The following WDFY2 variants were observed in gnomAD, a reference collection of about 807,000 sequenced individuals.
WDFY2 encodes the protein WD repeat and FYVE domain containing 2.
In WDFY2, 36 loss-of-function variants were observed where a neutral mutation model predicts 56.4. The observed-to-expected ratio is 0.64, with a 90% CI of 0.49 to 0.84. The LOEUF (loss-of-function observed/expected upper bound fraction) is 0.84. Among genes scored for constraint, WDFY2 ranks in the 40% least tolerant of loss-of-function variants. The pLI, the probability that WDFY2 is intolerant of heterozygous loss-of-function variation, is 0.00. For missense variants in WDFY2, 444 were observed against 512.2 expected (o/e 0.87, Z 1.29); for synonymous variants, 176 against 183.7 (o/e 0.96, Z 0.34).
chr13:51,746,776 C>T (rs994129988), intron 7 of WDFY2, among the ~76,000 whole-genome samples: 2 of 152,154 alleles, frequency 1.3e-5, no homozygotes, highest in Non-Finnish European at 2.9e-5. Flanking sequence ...CCTCATATAT[C>T]CAGAAAATAG....
chr13:51,753,502 A>T (rs1593479435), intron 8 of WDFY2, among the ~76,000 whole-genome samples: 2 of 152,342 alleles, frequency 1.3e-5, no homozygotes, highest in South Asian at 4.1e-4. Context: ...AATAGAAAAG[A>T]TGTCAATTAC....
intron 1 of WDFY2, among the ~76,000 whole-genome samples, chr13:51,645,398 A>G (rs1566335800): frequency 6.6e-6 from 1 of 152,114 alleles, no homozygotes; most frequent in African/African-American, 2.4e-5. Context: ...GCTCATTGCT[A>G]TGGTAACTAA....
In WDFY2 at chr13:51,663,764, A is replaced by G. The variant is rs373084450; in HGVS notation, c.205+3101A>G. Among the ~76,000 whole-genome samples the G allele has an allele frequency of 7.2e-5, 11 of 152,350 alleles. No individual in the cohort carries two copies. The East Asian group carries it at 2.1e-3, about 29-fold the overall frequency. ...GGTTACTCGGTATTATTCTTAAATA[A>G]TGGTTATGTGATATTGGTTTCAAAA... On this transcript the variant is annotated intron_variant, in intron 2 of 11. Transcript: ENST00000298125.
chr13:51,720,561 T>C (rs1309434151), intron 5 of WDFY2, among the ~76,000 whole-genome samples: 1 of 152,220 alleles, frequency 6.6e-6, no homozygotes, highest in Non-Finnish European at 1.5e-5. Context: ...CTTCTTATAG[T>C]GTTAGAGCTG....
rs71192015 is a variant in WDFY2, at chr13:51,718,559, TACACACACACACACAC to T, written c.335-610_335-595del. ...GGAAATTTGCTCTTATTATCATTCA[TACACACACACACACAC>T]ACACACACACACACACACACACACA... On this transcript the variant is annotated intron_variant, in intron 4 of 11. Coordinates refer to ENST00000298125, the MANE Select transcript of WDFY2 (RefSeq NM_052950.4). Among the ~76,000 whole-genome samples, 315 of 138,758 alleles carry T rather than the reference TACACACACACACACAC, an allele frequency of 2.3e-3. 1 individual carries two copies. The highest frequency in any genetic ancestry group is 6.1e-3 in the South Asian group (25 of 4,098). 91.0% of individuals were successfully genotyped at this position (138,758 alleles called of 152,430 possible). A position where few individuals can be genotyped will look rare whatever the true frequency, so the allele number is the denominator to read the frequency against.
At chr13:51,607,146 A>T (rs1250210831) in intron 1 of WDFY2, among the ~76,000 whole-genome samples, 1 of 152,258 alleles carries the variant, frequency 6.6e-6, no homozygotes, top group African/African-American at 2.4e-5. Context: ...TATTTCATTG[A>T]TTCAAAAATC....
At chr13:51,728,904 C>T (rs901479952) in intron 6 of WDFY2, among the ~76,000 whole-genome samples, 2 of 152,148 alleles carry the variant, frequency 1.3e-5, no homozygotes, top group Non-Finnish European at 2.9e-5. Flanking sequence ...CCTCAGAAGT[C>T]TTAAACTTCT....
intron 1 of WDFY2, among the ~76,000 whole-genome samples, chr13:51,624,454 A>T (rs761573371): frequency 8.5e-5 from 13 of 152,108 alleles, no homozygotes; most frequent in Non-Finnish European, 1.5e-4. Flanking sequence ...TTTTACTTTA[A>T]TTCACCATGT....
At chr13:51,596,640 G>A (rs893638272) in intron 1 of WDFY2, among the ~76,000 whole-genome samples, 2 of 152,150 alleles carry the variant, frequency 1.3e-5, no homozygotes, top group African/African-American at 4.8e-5. Flanking sequence ...CACTTACATG[G>A]GTAGAGACAG....
At position 51,613,556 on chromosome 13, in the gene WDFY2, C is replaced by A. The variant is rs144823783; in HGVS notation, c.137+28732C>A. Among the ~76,000 whole-genome samples, 55 of 152,246 alleles carry A rather than the reference C, an allele frequency of 3.6e-4. 1 individual carries two copies. In the East Asian group the frequency reaches 9.6e-3, roughly 27 times the overall value. ...ACAGTGGTGGGTCTTTCCCTGGGCA[C>A]ATTCTGTAATATTTTCTTAATTCTT... On this transcript the variant is annotated intron_variant, in intron 1 of 11. Transcript: ENST00000298125.
intron 1 of WDFY2, among the ~76,000 whole-genome samples, chr13:51,640,430 A>G (rs1427472362): frequency 6.6e-6 from 1 of 152,134 alleles, no homozygotes; most frequent in Non-Finnish European, 1.5e-5. Flanking sequence ...TTTGTTGGGT[A>G]TGGATGTTGG....
At chr13:51,699,737 G>GA (rs1206441065) in intron 3 of WDFY2, among the ~76,000 whole-genome samples, 1 of 152,244 alleles carries the variant, frequency 6.6e-6, no homozygotes, top group Non-Finnish European at 1.5e-5. Flanking sequence ...GGGTAGGTGA[G>GA]AGAGTGCATG....
intron 1 of WDFY2, among the ~76,000 whole-genome samples, chr13:51,634,256 C>T (rs780780538): frequency 1.7e-3 from 256 of 151,342 alleles, no homozygotes; most frequent in Middle Eastern, 3.4e-3. Flanking sequence ...TTGCAAAGCC[C>T]TAGAAGTGTT....
intron 7 of WDFY2, among the ~76,000 whole-genome samples, chr13:51,740,438 G>A (rs1290443384): frequency 1.3e-5 from 2 of 152,208 alleles, no homozygotes; most frequent in African/African-American, 4.8e-5. Context: ...AGCCAGGGCC[G>A]GGTGCATTGG....
chr13:51,728,220 C>T (rs2138656563), intron 6 of WDFY2, among the ~76,000 whole-genome samples: 1 of 152,312 alleles, frequency 6.6e-6, no homozygotes, highest in East Asian at 1.9e-4. Context: ...CATGAAAAGA[C>T]AGATATACTC....
At chr13:51,716,625 G>A (rs1167156449) in intron 4 of WDFY2, among the ~76,000 whole-genome samples, 8 of 146,944 alleles carry the variant, frequency 5.4e-5, no homozygotes, top group Admixed American at 1.4e-4. Context: ...CCCGGGAGGC[G>A]GAGCTTGCAG....
At chr13:51,691,871 G>A (rs1391881814) in intron 3 of WDFY2, among the ~76,000 whole-genome samples, 9 of 151,302 alleles carry the variant, frequency 5.9e-5, no homozygotes, top group East Asian at 3.9e-4. Context: ...CTTTTATTTC[G>A]TTGAGCAGTG....
intron 1 of WDFY2, among the ~76,000 whole-genome samples, chr13:51,652,765 G>A (rs967497067): frequency 4.6e-5 from 7 of 152,198 alleles, no homozygotes; most frequent in African/African-American, 9.7e-5. Context: ...AGTTTGTGCC[G>A]AGAGATCCGC....
chr13:51,700,927 A>G (rs1951971177), intron 3 of WDFY2, among the ~76,000 whole-genome samples: 1 of 152,180 alleles, frequency 6.6e-6, no homozygotes, highest in African/African-American at 2.4e-5. Context: ...AGATCGCACC[A>G]TTGCACTCCA....
Sources: gnomAD v4.1 joint callset for allele counts (sites outside exome capture counted in the v4.1 genomes callset) on GRCh38, gnomAD v4.1.1 for gene constraint, MANE v1.5 for transcripts, NCBI Gene and HGNC (gene_info 2026-07-23, HGNC 2026-07-21) for gene names.